Variants in MAMLD1 observed in about 807,000 individuals in gnomAD.
MAMLD1 encodes the protein mastermind-like domain-containing protein 1.
In MAMLD1, 14 loss-of-function variants were observed where a neutral mutation model predicts 45.0. The observed-to-expected ratio is 0.31, with a 90% CI of 0.21 to 0.49. The LOEUF (loss-of-function observed/expected upper bound fraction) is 0.49, where lower values mean the gene tolerates loss of function less well. Ranked by LOEUF, MAMLD1 falls within the 20% of genes least tolerant of loss-of-function variation. The pLI, the probability that MAMLD1 is intolerant of heterozygous loss-of-function variation, is 0.99. For synonymous variants in MAMLD1, 254 were observed against 247.8 expected (o/e 1.02, Z -0.24); for missense variants, 543 against 603.6 (o/e 0.90, Z 1.05).
At chrX:150,476,568 G>A (rs1557406874) in intron 5 of MAMLD1, among the ~76,000 whole-genome samples, 1 of 111,601 alleles carries the variant, frequency 9.0e-6, no homozygotes, top group Admixed American at 9.5e-5. Context: ...TGGTTTCATG[G>A]GGAGGAGGGA....
At chrX:150,383,936 T>C (rs1042436822) in intron 1 of MAMLD1, among the ~76,000 whole-genome samples, 1 of 112,160 alleles carries the variant, frequency 8.9e-6, no homozygotes, top group Non-Finnish European at 1.9e-5. Context: ...CTTGTATTAG[T>C]ACTTCATTCC....
rs781969927 is a variant in MAMLD1, at chrX:150,450,080, T to C, written c.96+4468T>C. The stretch of plus-strand genomic sequence containing the variant: ...CCTATTCCCAGATTAGGAGCTCAGG[T>C]ATTTCCAGGGCCTTCTGCAGGCCAG... On this transcript the variant is annotated intron_variant, in intron 2 of 7. Coordinates refer to ENST00000370401, the MANE Select transcript of MAMLD1 (RefSeq NM_005491.5). 8.1e-5 allele frequency among the ~76,000 whole-genome samples: 9 copies of C among 111,791 alleles called. No homozygotes were observed. In the East Asian group the frequency reaches 2.6e-3, roughly 32 times the overall value.
In MAMLD1 at chrX:150,462,793, G is replaced by A. The variant is rs782240473; in HGVS notation, c.118G>A (p.Glu40Lys). 2.5e-6 allele frequency: 3 copies of A among 1,210,671 alleles called. No individual in the cohort carries two copies. Among genetic ancestry groups the A allele is most frequent in the Non-Finnish European group, 3.4e-6 (3 of 894,595 alleles). The part of the protein sequence containing the change: ...QESGKKPSWM[E>K]EEDLSFLYKS... ...CCAGGGAAAGAAGCCCTCGTGGATG[G>A]AGGAAGAAGATTTATCTTTTCTCTA... The change falls in exon 3 of 8, where the codon GAG becomes AAG. Residue 40 changes from glutamate to lysine, a missense_variant. Physicochemically the swap from Glu to Lys is moderately conservative, Grantham distance 56 (BLOSUM62 1). Coordinates refer to ENST00000370401, the MANE Select transcript of MAMLD1 (RefSeq NM_005491.5).
At chrX:150,398,342 AG>A (rs2033595946) in intron 1 of MAMLD1, among the ~76,000 whole-genome samples, 2 of 65,111 alleles carry the variant, frequency 3.1e-5, no homozygotes, top group African/African-American at 1.1e-4. Context: ...GAAGAAGAAG[AG>A]GAAGAGGAAG....
chrX:150,429,356 A>G (rs1432809302), intron 1 of MAMLD1, among the ~76,000 whole-genome samples: 1 of 110,535 alleles, frequency 9.0e-6, no homozygotes, highest in Admixed American at 9.6e-5. Context: ...AAATAGTGCT[A>G]TGTAGGAAAG....
chrX:150,510,102 A>C (rs2037855802), intron 7 of MAMLD1, 56 bp downstream of exon 7: 1 of 778,274 alleles, frequency 1.3e-6, no homozygotes, highest in South Asian at 2.3e-5. Flanking sequence ...CATATGTGGA[A>C]GTGGGGTGAG....
rs2036367599 is a variant in MAMLD1, at chrX:150,470,153, C to G, written c.580C>G (p.Leu194Val). 1 of 1,209,887 alleles carries G rather than the reference C, an allele frequency of 8.3e-7. No homozygotes were observed. The highest frequency in any genetic ancestry group is 1.8e-5 in the South Asian group (1 of 56,798). ...TKIQDPSPNE[L>V]DLEKILGTKP... ...AATTCAAGACCCTTCTCCAAATGAG[C>G]TAGATCTTGAGAAGATACTGGGGAC... The change falls in exon 4 of 8, where the codon CTA (leucine) becomes GTA (valine). Residue 194 changes from leucine (L) to valine (V), a missense_variant. Leu to Val is a conservative substitution (Grantham distance 32, BLOSUM62 1). Transcript: ENST00000370401.
At chrX:150,444,724 G>A (rs2035432481) in intron 1 of MAMLD1, among the ~76,000 whole-genome samples, 1 of 111,682 alleles carries the variant, frequency 9.0e-6, no homozygotes, top group East Asian at 2.8e-4. Context: ...TCTTAGTGGA[G>A]CTCTTATTTC....
At chrX:150,449,989 A>G (rs1474953382) in intron 2 of MAMLD1, among the ~76,000 whole-genome samples, 2 of 111,306 alleles carry the variant, frequency 1.8e-5, no homozygotes, top group Admixed American at 9.5e-5. Flanking sequence ...GACTTTCCCA[A>G]TGTCACACAG....
chrX:150,380,123 T>C (rs782660254), intron 1 of MAMLD1, among the ~76,000 whole-genome samples: 3 of 112,426 alleles, frequency 2.7e-5, no homozygotes, highest in East Asian at 5.6e-4. Context: ...AGAAAGATTG[T>C]ACCAATTTGC....
intron 1 of MAMLD1, among the ~76,000 whole-genome samples, chrX:150,441,051 A>G (rs1352776137): frequency 1.9e-5 from 2 of 104,534 alleles, no homozygotes; most frequent in East Asian, 5.7e-4. Flanking sequence ...TAAAAATATT[A>G]TTAATATTAT....
At chrX:150,416,586 C>T (rs138295856) in intron 1 of MAMLD1, among the ~76,000 whole-genome samples, 1,524 of 111,755 alleles carry the variant, frequency 0.014, 32 homozygotes, top group African/African-American at 0.048. Context: ...TGGTTGCTTA[C>T]GTTTTCGAAG....
rs782063965 is a variant in MAMLD1, at chrX:150,471,339, C to T, written c.1766C>T (p.Thr589Met). Residue 589 changes from threonine (T) to methionine (M), a missense_variant, in exon 4 of 8, where the codon ACG becomes ATG. Physicochemically the swap from Thr to Met is moderately conservative, Grantham distance 81 (BLOSUM62 -1). Coordinates refer to ENST00000370401, the MANE Select transcript of MAMLD1 (RefSeq NM_005491.5). ...GCCTCCTCAGCCACTGCCTCCTCCA[C>T]GGCCACTGCCACCTTGCAGCTGCAG... Reference protein sequence around the residue: ...TQASSATASSTATATLQLQQQ... With the variant: ...TQASSATASSMATATLQLQQQ... 6.1e-5 allele frequency: 74 copies of T among 1,209,212 alleles called. No homozygotes were observed. Among genetic ancestry groups the T allele is most frequent in the Non-Finnish European group, 7.9e-5 (71 of 894,942 alleles).
chrX:150,398,382 A>G (rs12847804), intron 1 of MAMLD1, among the ~76,000 whole-genome samples: 17 of 109,253 alleles, frequency 1.6e-4, no homozygotes, highest in African/African-American at 5.4e-4. Flanking sequence ...AGGAAGAAGA[A>G]GAGGAAGAAG....
intron 1 of MAMLD1, among the ~76,000 whole-genome samples, chrX:150,387,208 T>C (rs1557402083): frequency 1.8e-5 from 2 of 111,532 alleles, no homozygotes. Flanking sequence ...ATATCACATA[T>C]TTTGGTAAAA....
At chrX:150,456,427 C>G (rs1304725774) in intron 2 of MAMLD1, among the ~76,000 whole-genome samples, 8 of 111,665 alleles carry the variant, frequency 7.2e-5, no homozygotes, top group African/African-American at 2.6e-4. Flanking sequence ...TGAGAAAGTA[C>G]ACTGTCCACT....
intron 3 of MAMLD1, among the ~76,000 whole-genome samples, chrX:150,464,387 C>A (rs1395467657): frequency 8.9e-6 from 1 of 112,136 alleles, no homozygotes; most frequent in Non-Finnish European, 1.9e-5. Context: ...GGTTCCCTGC[C>A]ATTCCCAACC....
At position 150,513,721 on chromosome X, in the gene MAMLD1, G is replaced by A. The variant is rs1603054348; in HGVS notation, c.*1762G>A. On this transcript the variant is annotated 3_prime_UTR_variant, in exon 8 of 8. Coordinates refer to ENST00000370401, the MANE Select transcript of MAMLD1 (RefSeq NM_005491.5). The stretch of plus-strand genomic sequence containing the variant: ...GGCTGGGAGAGTTCTCCAGATTTGG[G>A]AGAGGCGCAGAGACAGTGTGTGAGC... 1 of 295,372 alleles carries A rather than the reference G, an allele frequency of 3.4e-6. No individual in the cohort carries two copies. The highest frequency in any genetic ancestry group is 5.9e-6 in the Non-Finnish European group (1 of 169,987). The allele number at this position is 295,372 out of a possible 1,213,427, so 24.3% of individuals were successfully genotyped here. A position where few individuals can be genotyped will look rare whatever the true frequency, so the allele number is the denominator to read the frequency against.
chrX:150,428,558 G>A (rs141404979), intron 1 of MAMLD1, among the ~76,000 whole-genome samples: 62 of 112,124 alleles, frequency 5.5e-4, no homozygotes, highest in African/African-American at 1.7e-3. Flanking sequence ...ATGGGAAGAT[G>A]GTACACAGCC....
Sources: allele counts gnomAD v4.1 joint callset (sites outside exome capture counted in the v4.1 genomes callset), GRCh38; gene constraint gnomAD v4.1.1; transcripts MANE v1.5; gene names NCBI Gene and HGNC (gene_info 2026-07-23, HGNC 2026-07-21).